Variants in SLIT3 observed in about 807,000 individuals in gnomAD.
SLIT3 encodes the protein slit homolog 3 protein.
SLIT3 carries 68 observed loss-of-function variants against 184.0 expected under a neutral mutation model. The observed-to-expected ratio is 0.37, with a 90% CI of 0.30 to 0.45. The LOEUF is 0.45. SLIT3 is among the 20% of genes least tolerant of loss of function. SLIT3 has a pLI of 1.00. For synonymous variants in SLIT3, 831 were observed against 828.6 expected (o/e 1.00, Z -0.05); for missense variants, 1,707 against 2,026.0 (o/e 0.84, Z 3.02).
intron 4 of SLIT3, among the ~76,000 whole-genome samples, chr5:169,000,827 A>C (rs1163567635): frequency 1.3e-5 from 2 of 152,216 alleles, no homozygotes; most frequent in Non-Finnish European, 2.9e-5. Context: ...CTGACCCGAC[A>C]ACCTATTCTT....
intron 1 of SLIT3, among the ~76,000 whole-genome samples, chr5:169,283,865 G>A (rs12522243): frequency 0.27 from 40,978 of 152,028 alleles, 6,141 homozygotes; most frequent in South Asian, 0.4. Context: ...TCTTTTATCC[G>A]ATTATTTAGA....
chr5:168,747,039 C>T (rs1040403879), intron 20 of SLIT3, among the ~76,000 whole-genome samples: 5 of 151,328 alleles, frequency 3.3e-5, no homozygotes, highest in South Asian at 2.1e-4. Context: ...GGGTGTGTTG[C>T]TGCTCAGGCA....
rs297870 is a variant in SLIT3 at position 169,175,782 on chromosome 5, C to T, written c.413+17697G>A. On this transcript the variant is annotated intron_variant, in intron 4 of 35. Coordinates refer to ENST00000519560, the MANE Select transcript of SLIT3 (RefSeq NM_003062.4). Reference sequence around the variant, plus strand: ...TCCTACACACCACCTTTCTTTCCTTCGCCTGTTTCTGAAGCTCAGGGCAAC... The same window carrying T: ...TCCTACACACCACCTTTCTTTCCTTTGCCTGTTTCTGAAGCTCAGGGCAAC... 2.0e-3 allele frequency among the ~76,000 whole-genome samples: 298 copies of T among 152,278 alleles called. 1 individual carries two copies. The highest frequency in any genetic ancestry group is 3.0e-3 in the Non-Finnish European group (204 of 68,034).
At chr5:168,924,630 A>G (rs1761752914) in intron 4 of SLIT3, among the ~76,000 whole-genome samples, 1 of 151,882 alleles carries the variant, frequency 6.6e-6, no homozygotes, top group South Asian at 2.1e-4. Context: ...CCACCTCAAA[A>G]TCCCAAGTAG....
chr5:168,890,172 C>A (rs952530772), intron 4 of SLIT3, among the ~76,000 whole-genome samples: 1 of 151,008 alleles, frequency 6.6e-6, no homozygotes, highest in Non-Finnish European at 1.5e-5. Flanking sequence ...GAGAGAGCAC[C>A]AGTTTCACTG....
At chr5:169,051,676 G>A (rs753830169) in intron 4 of SLIT3, among the ~76,000 whole-genome samples, 4 of 152,218 alleles carry the variant, frequency 2.6e-5, no homozygotes, top group Non-Finnish European at 5.9e-5. Flanking sequence ...TGGGCAAAGA[G>A]TTATGCTCAT....
intron 4 of SLIT3, among the ~76,000 whole-genome samples, chr5:169,053,844 T>G (rs570923102): frequency 2.2e-4 from 33 of 152,204 alleles, no homozygotes; most frequent in Non-Finnish European, 5.9e-5. Flanking sequence ...TCTCTGCACT[T>G]TGGGAGGCTG....
At chr5:168,970,073 C>T (rs1754512316) in intron 4 of SLIT3, among the ~76,000 whole-genome samples, 3 of 152,088 alleles carry the variant, frequency 2.0e-5, no homozygotes, top group Admixed American at 6.5e-5. Flanking sequence ...CCCAGCTATT[C>T]GGGAGGCTGA....
At chr5:169,138,873 T>C (rs191341043) in intron 4 of SLIT3, among the ~76,000 whole-genome samples, 10 of 152,352 alleles carry the variant, frequency 6.6e-5, no homozygotes, top group Admixed American at 6.5e-4. Context: ...GGGAAATTGT[T>C]CGAAGTCTTA....
rs190639139 is a variant in SLIT3 at position 169,122,096 on chromosome 5, C to A, written c.413+71383G>T. ...GTTGGCCAGCTTGGCCCCAGACTGC[C>A]CTGCAGATAATGCTGCTTCTAAATT... is the stretch of plus-strand genomic sequence containing the variant. On this transcript the variant is annotated intron_variant, in intron 4 of 35. Coordinates refer to ENST00000519560, the MANE Select transcript of SLIT3 (RefSeq NM_003062.4). Among the ~76,000 whole-genome samples, 3 of 152,272 alleles carry A rather than the reference C, an allele frequency of 2.0e-5. No individual in the cohort carries two copies. The East Asian group carries it at 5.8e-4, about 29-fold the overall frequency.
intron 32 of SLIT3, among the ~76,000 whole-genome samples, chr5:168,680,228 T>C (rs1761543799): frequency 6.6e-6 from 1 of 152,234 alleles, no homozygotes; most frequent in Non-Finnish European, 1.5e-5. Flanking sequence ...CTTGCTGGCA[T>C]GTGAGTCTGG....
In SLIT3 at chr5:168,917,664, CA is replaced by C. The variant is rs1581209284; in HGVS notation, c.414-34329del. Among the ~76,000 whole-genome samples, 6 of 152,134 alleles carry C rather than the reference CA, an allele frequency of 3.9e-5. No individual in the cohort carries two copies. In the South Asian group the frequency reaches 1.0e-3, roughly 26 times the overall value. On this transcript the variant is annotated intron_variant, in intron 4 of 35. Coordinates refer to ENST00000519560, the MANE Select transcript of SLIT3 (RefSeq NM_003062.4). ...TGTTGTAATGTTTCCTATTTCCCAT[CA>C]AAAAACACAAAGCCAGTATTGCTTT...
chr5:169,158,840 T>G (rs1762387499), intron 4 of SLIT3, among the ~76,000 whole-genome samples: 1 of 151,702 alleles, frequency 6.6e-6, no homozygotes, highest in African/African-American at 2.4e-5. Context: ...TATAAATAAA[T>G]CAAAATGGAA....
chr5:168,914,583 C>A (rs1761372703), intron 4 of SLIT3, among the ~76,000 whole-genome samples: 1 of 152,240 alleles, frequency 6.6e-6, no homozygotes, highest in South Asian at 2.1e-4. Flanking sequence ...CATTTGGATT[C>A]TATTCCCAAC....
intron 4 of SLIT3, among the ~76,000 whole-genome samples, chr5:169,016,986 C>G (rs766117176): frequency 1.3e-5 from 2 of 152,114 alleles, no homozygotes; most frequent in Non-Finnish European, 2.9e-5. Flanking sequence ...ACTCTTGAAT[C>G]CAGCTCCGTC....
chr5:168,744,580 TG>T (rs1253899671), intron 20 of SLIT3, among the ~76,000 whole-genome samples: 1 of 152,170 alleles, frequency 6.6e-6, no homozygotes, highest in African/African-American at 2.4e-5. Flanking sequence ...GATGGTGACT[TG>T]AAGTTGAAGC....
chr5:168,843,946 G>T (rs1315537916), intron 6 of SLIT3, among the ~76,000 whole-genome samples: 3 of 152,034 alleles, frequency 2.0e-5, no homozygotes, highest in Admixed American at 6.6e-5. Context: ...TTGGGGAAGG[G>T]GCTGTCTCCT....
At chr5:168,900,396 C>T (rs996259522) in intron 4 of SLIT3, among the ~76,000 whole-genome samples, 3 of 152,152 alleles carry the variant, frequency 2.0e-5, no homozygotes, top group Non-Finnish European at 4.4e-5. Context: ...AGGCAGATCA[C>T]CTGAGCTCAG....
intron 4 of SLIT3, among the ~76,000 whole-genome samples, chr5:168,886,877 A>G (rs1760237298): frequency 1.3e-5 from 2 of 152,174 alleles, no homozygotes; most frequent in South Asian, 2.1e-4. Flanking sequence ...ATTCCATCCA[A>G]AAACACAAGA....
Sources: allele counts gnomAD v4.1 joint callset (sites outside exome capture counted in the v4.1 genomes callset), GRCh38; gene constraint gnomAD v4.1.1; transcripts MANE v1.5; gene names NCBI Gene and HGNC (gene_info 2026-07-23, HGNC 2026-07-21).